Variants in RIPOR2 observed in about 807,000 individuals in gnomAD.
RIPOR2 encodes the protein rho family-interacting cell polarization regulator 2.
RIPOR2 carries 39 observed loss-of-function variants against 114.5 expected under a neutral mutation model. That is an observed-to-expected ratio of 0.34 (90% CI 0.26 to 0.44). RIPOR2 has a LOEUF of 0.44. Among genes scored for constraint, RIPOR2 ranks in the 20% least tolerant of loss-of-function variants. RIPOR2 has a pLI of 1.00. For missense variants in RIPOR2, 1,007 were observed against 1,255.1 expected (o/e 0.80, Z 2.99); for synonymous variants, 445 against 484.4 (o/e 0.92, Z 1.07).
intron 1 of RIPOR2, among the ~76,000 whole-genome samples, chr6:24,882,862 T>C (rs529863208): frequency 6.6e-6 from 1 of 152,230 alleles, no homozygotes; most frequent in Non-Finnish European, 1.5e-5. Flanking sequence ...CCATATTCCA[T>C]GTGCTCCTTT....
intron 1 of RIPOR2, among the ~76,000 whole-genome samples, chr6:24,963,141 G>A (rs937926767): frequency 7.2e-5 from 11 of 152,264 alleles, no homozygotes; most frequent in Non-Finnish European, 1.0e-4. Flanking sequence ...GGGTTCAAGC[G>A]ATTCTCCAGC....
Position 24,875,779 on chromosome 6 carries a change from A to T in RIPOR2, c.100T>A (p.Ser34Thr), listed in dbSNP as rs1156379030. 3.1e-6 allele frequency: 5 copies of T among 1,613,304 alleles called. No individual in the cohort carries two copies. In the African/African-American group the frequency reaches 5.3e-5, roughly 17 times the overall value. Residue 34 changes from serine to threonine, a missense_variant, in exon 2 of 22, where the codon TCC becomes ACC. Physicochemically the swap from Ser to Thr is moderately conservative, Grantham distance 58. Transcript: ENST00000643898. ...TRLPEIMLVGSQSFSPGGPNG... is the reference protein window; with the variant it reads ...TRLPEIMLVGTQSFSPGGPNG... ...GGCCCTCCAGGCGAAAAAGACTGGG[A>T]TCCTACCAACATGATTTCCGGGAGT...
At chr6:24,835,360 C>G (rs141289278) in intron 15 of RIPOR2, among the ~76,000 whole-genome samples, 2 of 152,186 alleles carry the variant, frequency 1.3e-5, no homozygotes, top group African/African-American at 4.8e-5. Flanking sequence ...ATATTCAGCA[C>G]TACTGGCTTT....
chr6:24,828,419 G>A lies in RIPOR2; in HGVS notation c.2507-124C>T. 3 of 835,358 alleles carry A rather than the reference G, an allele frequency of 3.6e-6. No individual in the cohort carries two copies. In the South Asian group the frequency reaches 7.7e-5, roughly 22 times the overall value. 51.7% of individuals were successfully genotyped at this position (835,358 alleles called of 1,614,324 possible). A position where few individuals can be genotyped will look rare whatever the true frequency, so the allele number is the denominator to read the frequency against. On this transcript the variant is annotated intron_variant, in intron 17 of 21. Coordinates refer to ENST00000643898, the MANE Select transcript of RIPOR2 (RefSeq NM_001286445.3). ...GGGTCTCACTTTGTTGCCCAGGTTG[G>A]TCTCAAACTCCTGGGCTCAAGCAGT...
Position 24,858,422 on chromosome 6 carries a change from CTGTT to C in RIPOR2, c.715+2547_715+2550del, listed in dbSNP as rs1053065215. 3.3e-5 allele frequency among the ~76,000 whole-genome samples: 5 copies of C among 152,112 alleles called. No homozygotes were observed. The highest frequency in any genetic ancestry group is 1.2e-4 in the African/African-American group (5 of 41,418). On this transcript the variant is annotated intron_variant, in intron 8 of 21. Transcript: ENST00000643898. This position sits in a 1 kb window ranked among gnomAD's most constrained non-coding sequence, Gnocchi z 4.0. The stretch of plus-strand genomic sequence containing the variant: ...AGGTCTGAGAGTATTGTGAAATAGT[CTGTT>C]TGTCAATATGTATGTTGGAAGTAGT...
chr6:24,904,351 C>T (rs1768760095), intron 1 of RIPOR2, among the ~76,000 whole-genome samples: 1 of 152,156 alleles, frequency 6.6e-6, no homozygotes, highest in Non-Finnish European at 1.5e-5. Flanking sequence ...GTGGGTCCTT[C>T]CTCCATCTTC....
At chr6:24,986,600 T>G (rs1428098435) in intron 1 of RIPOR2, among the ~76,000 whole-genome samples, 1 of 151,916 alleles carries the variant, frequency 6.6e-6, no homozygotes, top group Non-Finnish European at 1.5e-5. Flanking sequence ...GTTCAGGAAA[T>G]GTAGTTGTCC....
At chr6:24,928,659 A>G (rs1049757704) in intron 1 of RIPOR2, among the ~76,000 whole-genome samples, 7 of 152,248 alleles carry the variant, frequency 4.6e-5, no homozygotes, top group Admixed American at 3.9e-4. Flanking sequence ...AAAGGCAAAG[A>G]AAGAAAAATC....
At chr6:25,022,020 AT>A (rs1776346955) in intron 1 of RIPOR2, among the ~76,000 whole-genome samples, 1 of 152,196 alleles carries the variant, frequency 6.6e-6, no homozygotes, top group Non-Finnish European at 1.5e-5. Flanking sequence ...CTTAAAAAAA[AT>A]GGTCTGTAAT....
rs1581858458 is a variant in RIPOR2 at position 24,948,256 on chromosome 6, T to G, written c.77-72439A>C. 2.6e-5 allele frequency: 4 copies of G among 152,312 alleles called. No homozygotes were observed. In the Middle Eastern group the frequency reaches 0.014, roughly 518 times the overall value. 9.4% of individuals were successfully genotyped at this position (152,312 alleles called of 1,614,324 possible). A position where few individuals can be genotyped will look rare whatever the true frequency, so the allele number is the denominator to read the frequency against. ...ACAGCAGACTTAAAGCCAGGAAAAC[T>G]TCGATTCCTGGATGTTGATAACCAA... On this transcript the variant is annotated intron_variant, in intron 1 of 13. Transcript: ENST00000510784.
intron 1 of RIPOR2, among the ~76,000 whole-genome samples, chr6:24,898,785 C>T (rs35953835): frequency 0.055 from 8,402 of 152,168 alleles, 255 homozygotes; most frequent in South Asian, 0.1. Context: ...TGATAACTTC[C>T]TTTGTTCCCC....
intron 1 of RIPOR2, among the ~76,000 whole-genome samples, chr6:24,957,690 GAT>G (rs1773099360): frequency 6.6e-6 from 1 of 152,118 alleles, no homozygotes; most frequent in Non-Finnish European, 1.5e-5. Flanking sequence ...TGGCTAACAT[GAT>G]GAAACCCCGT....
chr6:24,843,470 T>C lies in RIPOR2; in HGVS notation c.1249A>G (p.Asn417Asp). The change falls in exon 13 of 22, where the codon AAC (asparagine) becomes GAC (aspartate). Residue 417 changes from asparagine (N) to aspartate (D), a missense_variant. By Grantham distance (23) the Asn-to-Asp change is conservative (BLOSUM62 1). Coordinates refer to ENST00000643898, the MANE Select transcript of RIPOR2 (RefSeq NM_001286445.3). ...PLSLSFSDLP[N>D]GDCALTSHST... ...TGGGAGGTGAGGGCGCAGTCCCCGTTGGGCAGGTCACTGAAGCTGAGCGAC... is the reference window on the plus strand; with the variant it reads ...TGGGAGGTGAGGGCGCAGTCCCCGTCGGGCAGGTCACTGAAGCTGAGCGAC... The C allele has an allele frequency of 6.3e-7, 1 of 1,598,514 alleles. No individual in the cohort carries two copies. Among genetic ancestry groups the C allele is most frequent in the Non-Finnish European group, 8.6e-7 (1 of 1,168,784 alleles).
At chr6:24,861,099 G>T (rs769522640) in intron 7 of RIPOR2, 63 bp from the exon 8 acceptor site, 1 of 1,166,700 alleles carries the variant, frequency 8.6e-7, no homozygotes, top group South Asian at 1.3e-5. Context: ...CAAAGCACAC[G>T]ACGTTCGAAC....
At chr6:24,862,105 G>T (rs1764123876) in intron 7 of RIPOR2, among the ~76,000 whole-genome samples, 1 of 152,212 alleles carries the variant, frequency 6.6e-6, no homozygotes, top group South Asian at 2.1e-4. Flanking sequence ...TACATAACTA[G>T]CCTCACCCTA....
chr6:24,959,319 T>C (rs1773196420), intron 1 of RIPOR2, among the ~76,000 whole-genome samples: 2 of 152,226 alleles, frequency 1.3e-5, no homozygotes, highest in Admixed American at 1.3e-4. Context: ...CTGGTAGCCT[T>C]GGAGTTAATG....
intron 3 of RIPOR2, 121 bp downstream of exon 3, chr6:24,873,523 T>C (rs1765414177): frequency 1.2e-6 from 1 of 851,242 alleles, no homozygotes; most frequent in Non-Finnish European, 1.9e-6. Context: ...TCCCTAATTG[T>C]GGTACAAGAA....
intron 1 of RIPOR2, among the ~76,000 whole-genome samples, chr6:24,970,798 T>C (rs1305277158): frequency 1.3e-5 from 2 of 152,218 alleles, no homozygotes; most frequent in African/African-American, 4.8e-5. Context: ...GGAGTTTATG[T>C]TGCCATTGTG....
At chr6:25,023,714 T>C in intron 1 of RIPOR2, 1 of 774,904 alleles carries the variant, frequency 1.3e-6, no homozygotes, top group Non-Finnish European at 2.3e-6. Context: ...CACACCGTGT[T>C]TGTCCGCGAC....
Sources: allele counts gnomAD v4.1 joint callset (sites outside exome capture counted in the v4.1 genomes callset), GRCh38; gene constraint gnomAD v4.1.1; non-coding constraint Gnocchi (gnomAD v3.1); transcripts MANE v1.5; gene names NCBI Gene and HGNC (gene_info 2026-07-23, HGNC 2026-07-21).